BBX: variants seen among roughly 807,000 people sequenced by gnomAD.
The protein encoded by BBX is BBX high mobility group box domain containing, also known as HMG box transcription factor BBX.
A neutral mutation model predicts 100.2 loss-of-function variants in BBX; 30 were observed. The ratio of observed to expected loss-of-function variants is 0.30; its 90% confidence interval spans 0.22 to 0.41. The LOEUF is 0.41. Ranked by LOEUF, BBX falls within the 10% of genes least tolerant of loss-of-function variation. BBX has a pLI of 1.00. For missense variants in BBX, 1,023 were observed against 1,129.8 expected, an observed-to-expected ratio of 0.91 and a Z score of 1.35; for synonymous variants, 376 against 388.1, an observed-to-expected ratio of 0.97 and a Z score of 0.37.
intron 2 of BBX, among the ~76,000 whole-genome samples, chr3:107,579,662 T>A (rs906694066): frequency 1.3e-5 from 2 of 152,252 alleles, no homozygotes; most frequent in Non-Finnish European, 1.5e-5. Flanking sequence ...ACATAGGCAC[T>A]TAACCTATGT....
chr3:107,550,795 T>TA (rs1287650228), intron 2 of BBX, among the ~76,000 whole-genome samples: 5 of 152,112 alleles, frequency 3.3e-5, no homozygotes, highest in Non-Finnish European at 7.4e-5. Flanking sequence ...AGGAGACTAT[T>TA]ACAGCATCAG....
intron 2 of BBX, among the ~76,000 whole-genome samples, chr3:107,612,006 A>T (rs2054881165): frequency 1.3e-5 from 2 of 150,250 alleles, no homozygotes; most frequent in South Asian, 2.1e-4. Context: ...CTATTTAGAG[A>T]CTCTGATGCA....
chr3:107,589,320 G>T (rs534053479), intron 2 of BBX, among the ~76,000 whole-genome samples: 15 of 152,244 alleles, frequency 9.9e-5, no homozygotes, highest in African/African-American at 3.4e-4. Flanking sequence ...GTTTATAAAA[G>T]AACTGAGAAA....
intron 7 of BBX, among the ~76,000 whole-genome samples, chr3:107,737,899 T>TG (rs2063762659): frequency 1.4e-5 from 2 of 141,888 alleles, no homozygotes; most frequent in South Asian, 4.6e-4. Context: ...TTTTTTTTTT[T>TG]TTTTTTTTTT....
chr3:107,666,135 C>A (rs2058729665), intron 3 of BBX, among the ~76,000 whole-genome samples: 1 of 152,182 alleles, frequency 6.6e-6, no homozygotes, highest in South Asian at 2.1e-4. Flanking sequence ...TTGAACTCTG[C>A]ACCAGAGGCA....
chr3:107,769,199 T>C (rs956670049), intron 10 of BBX, among the ~76,000 whole-genome samples: 7 of 132,580 alleles, frequency 5.3e-5, no homozygotes, highest in East Asian at 4.6e-4. Context: ...GATAGATAGA[T>C]AGATAGATAG....
At chr3:107,758,802 T>A (rs1430933824) in intron 10 of BBX, among the ~76,000 whole-genome samples, 1 of 152,124 alleles carries the variant, frequency 6.6e-6, no homozygotes. Context: ...AAACATAACC[T>A]TGGGCAGTTA....
chr3:107,673,669 A>G (rs1287870810), intron 3 of BBX, among the ~76,000 whole-genome samples: 1 of 152,098 alleles, frequency 6.6e-6, no homozygotes, highest in Non-Finnish European at 1.5e-5. Flanking sequence ...ATTAGAGACA[A>G]CCGGATAATT....
At chr3:107,782,833 T>G (rs7635850) in intron 13 of BBX, among the ~76,000 whole-genome samples, 16,125 of 152,098 alleles carry the variant, frequency 0.11, 1,068 homozygotes, top group Middle Eastern at 0.16. Context: ...ATGAGTGATT[T>G]TTTTTTCATA....
intron 2 of BBX, among the ~76,000 whole-genome samples, chr3:107,566,855 GT>G (rs1336254731): frequency 2.6e-5 from 4 of 151,376 alleles, no homozygotes; most frequent in African/African-American, 9.7e-5. Flanking sequence ...CATTTTTCTA[GT>G]GCTTGTTTTG....
At chr3:107,538,766 C>G (rs992765885) in intron 2 of BBX, among the ~76,000 whole-genome samples, 1 of 151,746 alleles carries the variant, frequency 6.6e-6, no homozygotes, top group African/African-American at 2.4e-5. Context: ...GAACACAGTA[C>G]TAATCATTGT....
chr3:107,574,296 A>G (rs1171212687), intron 2 of BBX, among the ~76,000 whole-genome samples: 2 of 152,202 alleles, frequency 1.3e-5, no homozygotes. Flanking sequence ...CACACCTAAT[A>G]GGGGGCTCCA....
chr3:107,611,292 T>TAA (rs2054831851), intron 2 of BBX, among the ~76,000 whole-genome samples: 1 of 152,148 alleles, frequency 6.6e-6, no homozygotes, highest in Admixed American at 6.5e-5. Context: ...TACGGTATTA[T>TAA]AATAGTCTGT....
intron 4 of BBX, among the ~76,000 whole-genome samples, chr3:107,715,351 A>G (rs2062025885): frequency 6.6e-6 from 1 of 152,198 alleles, no homozygotes; most frequent in African/African-American, 2.4e-5. Context: ...CAGGGATTCC[A>G]ATGCATACTC....
chr3:107,538,536 T>C (rs757354239), intron 2 of BBX, among the ~76,000 whole-genome samples: 6 of 152,176 alleles, frequency 3.9e-5, no homozygotes, highest in Non-Finnish European at 7.3e-5. Flanking sequence ...ATTAAATAGA[T>C]ATTTTTCCGA....
At chr3:107,763,903 G>A (rs1259380996) in intron 10 of BBX, among the ~76,000 whole-genome samples, 1 of 152,072 alleles carries the variant, frequency 6.6e-6, no homozygotes. Flanking sequence ...AATTTCACTG[G>A]TATTCTTGGG....
chr3:107,750,205 A>T (rs2107643104), intron 9 of BBX, among the ~76,000 whole-genome samples: 1 of 152,278 alleles, frequency 6.6e-6, no homozygotes, highest in South Asian at 2.1e-4. Context: ...GCAGGGTGTC[A>T]TTCCCAGAGG....
intron 2 of BBX, among the ~76,000 whole-genome samples, chr3:107,536,509 G>A (rs773941475): frequency 4.9e-4 from 74 of 152,032 alleles, no homozygotes; most frequent in Non-Finnish European, 8.1e-4. Flanking sequence ...ATGGTTTTCC[G>A]AAGGCGCTCG....
At chr3:107,672,412 A>G (rs1439456602) in intron 3 of BBX, among the ~76,000 whole-genome samples, 2 of 152,048 alleles carry the variant, frequency 1.3e-5, no homozygotes, top group Non-Finnish European at 2.9e-5. Context: ...GCAGTGTTCA[A>G]GCATAAGTTG....
Sources: allele counts gnomAD v4.1 joint callset (sites outside exome capture counted in the v4.1 genomes callset), GRCh38; gene constraint gnomAD v4.1.1; transcripts MANE v1.5; gene names NCBI Gene and HGNC (gene_info 2026-07-23, HGNC 2026-07-21).